KIF3B: variants seen among roughly 807,000 people sequenced by gnomAD.
KIF3B encodes kinesin-like protein KIF3B.
Under a neutral mutation model 74.3 loss-of-function variants are expected in KIF3B, and 38 were observed. The ratio of observed to expected loss-of-function variants is 0.51; its 90% confidence interval spans 0.39 to 0.67. The LOEUF is 0.67. KIF3B is among the 30% of genes least tolerant of loss of function. KIF3B has a pLI of 0.00. For missense variants in KIF3B, 649 were observed against 932.0 expected, an observed-to-expected ratio of 0.70 and a Z score of 3.95; for synonymous variants, 326 against 342.5, an observed-to-expected ratio of 0.95 and a Z score of 0.53.
At chr20:32,281,742 A>G (rs2047644063) in intron 1 of KIF3B, among the ~76,000 whole-genome samples, 1 of 152,144 alleles carries the variant, frequency 6.6e-6, no homozygotes, top group Admixed American at 6.6e-5. Flanking sequence ...CCAACAAACA[A>G]AAAGAAAAAG....
intron 1 of KIF3B, among the ~76,000 whole-genome samples, chr20:32,300,483 G>A (rs1406762693): frequency 6.6e-6 from 1 of 152,060 alleles, no homozygotes; most frequent in Non-Finnish European, 1.5e-5. Flanking sequence ...ATTTCACCGC[G>A]TTAGCCACAA....
intron 5 of KIF3B, among the ~76,000 whole-genome samples, chr20:32,323,884 G>GTA (rs573673589): frequency 9.2e-5 from 14 of 151,822 alleles, no homozygotes; most frequent in South Asian, 8.3e-4. Flanking sequence ...ATCTCAAAAA[G>GTA]TATATATATA....
chr20:32,315,373 G>A (rs1199792248), intron 2 of KIF3B, among the ~76,000 whole-genome samples: 6 of 151,958 alleles, frequency 3.9e-5, no homozygotes, highest in Admixed American at 3.9e-4. Flanking sequence ...TGTGTATCTG[G>A]CCCTGCAGAC....
At chr20:32,309,643 G>A (rs2047789601) in intron 1 of KIF3B, 70 bp from the exon 2 acceptor site, 2 of 900,188 alleles carry the variant, frequency 2.2e-6, no homozygotes, top group South Asian at 1.8e-5. Flanking sequence ...CTATTTAGGT[G>A]TGTCAGCTTC....
intron 1 of KIF3B, among the ~76,000 whole-genome samples, chr20:32,305,874 A>G (rs572053518): frequency 4.0e-5 from 6 of 150,830 alleles, no homozygotes; most frequent in African/African-American, 1.5e-4. Context: ...GAGCCACCAC[A>G]CCTGGCTCCA....
chr20:32,327,736 C>A, intron 7 of KIF3B, 75 bp downstream of exon 7: 1 of 1,036,814 alleles, frequency 9.6e-7, no homozygotes, highest in Non-Finnish European at 1.5e-6. Context: ...AGATACTATT[C>A]CACTCAGAGT....
intron 1 of KIF3B, among the ~76,000 whole-genome samples, chr20:32,283,583 G>A (rs991061823): frequency 2.6e-5 from 4 of 151,762 alleles, no homozygotes; most frequent in Admixed American, 2.6e-4. Context: ...GCTGAGGCAC[G>A]TGGATCACCT....
At chr20:32,294,338 C>T (rs1454786780) in intron 1 of KIF3B, among the ~76,000 whole-genome samples, 4 of 152,084 alleles carry the variant, frequency 2.6e-5, no homozygotes, top group Non-Finnish European at 5.9e-5. Context: ...TTGACTGTGA[C>T]GTTTTTAGGT....
chr20:32,329,918 T>C (rs2047922055), intron 7 of KIF3B, among the ~76,000 whole-genome samples: 1 of 152,226 alleles, frequency 6.6e-6, no homozygotes, highest in Non-Finnish European at 1.5e-5. Flanking sequence ...TTGGGTGCCA[T>C]TCTTCCTGGC....
intron 2 of KIF3B, among the ~76,000 whole-genome samples, chr20:32,313,641 A>G (rs969149730): frequency 6.6e-6 from 1 of 152,140 alleles, no homozygotes; most frequent in Admixed American, 6.5e-5. Flanking sequence ...AGATGCCATT[A>G]TGTCAAAGCA....
chr20:32,322,021 T>G (rs1436953920), intron 5 of KIF3B, among the ~76,000 whole-genome samples: 1 of 152,126 alleles, frequency 6.6e-6, no homozygotes, highest in Non-Finnish European at 1.5e-5. Flanking sequence ...CATTTTAAGG[T>G]CAGCTTGTCA....
intron 7 of KIF3B, among the ~76,000 whole-genome samples, chr20:32,329,382 C>G (rs1469431565): frequency 1.4e-5 from 2 of 147,870 alleles, no homozygotes; most frequent in East Asian, 2.0e-4. Context: ...CAGGATCTCA[C>G]TGTGTCACCC....
chr20:32,288,495 C>CA (rs1456408244), intron 1 of KIF3B, among the ~76,000 whole-genome samples: 1 of 151,988 alleles, frequency 6.6e-6, no homozygotes, highest in Admixed American at 6.6e-5. Context: ...TCCAAACAAA[C>CA]AAAAAATGAA....
intron 1 of KIF3B, among the ~76,000 whole-genome samples, chr20:32,281,190 T>G (rs1305544088): frequency 1.3e-5 from 2 of 152,206 alleles, no homozygotes; most frequent in Non-Finnish European, 2.9e-5. Flanking sequence ...TTTAATCTTA[T>G]CTGTGTCCCT....
rs1027730832 is a variant in KIF3B at position 32,310,272 on chromosome 20, G to A, written c.495G>A (p.Glu165=). The part of the protein sequence containing the change: ...LLSKDQTKRL[E]LKERPDTGVY... ...CAAAGGATCAGACCAAAAGGCTTGA[G>A]CTCAAAGAGAGGCCTGACACAGGAG... is the stretch of plus-strand genomic sequence containing the variant. The change falls in exon 2 of 9, where the codon GAG becomes GAA. Residue 165 remains glutamate, a synonymous_variant. Coordinates refer to ENST00000375712, the MANE Select transcript of KIF3B (RefSeq NM_004798.4). This position sits in a 1 kb window ranked among gnomAD's most constrained non-coding sequence, Gnocchi z 6.5. The A allele has an allele frequency of 1.2e-6, 2 of 1,613,772 alleles. No individual in the cohort carries two copies. The highest frequency in any genetic ancestry group is 1.1e-5 in the South Asian group (1 of 91,094).
intron 1 of KIF3B, among the ~76,000 whole-genome samples, chr20:32,285,761 T>C (rs1042120978): frequency 6.6e-6 from 1 of 152,214 alleles, no homozygotes; most frequent in Non-Finnish European, 1.5e-5. Flanking sequence ...TTGTTCTTTC[T>C]TGGTGACTTC....
Position 32,299,399 on chromosome 20 carries a change from A to ATT in KIF3B, c.-65-10313_-65-10312insTT, listed in dbSNP as rs1424602118. Among the ~76,000 whole-genome samples the ATT allele has an allele frequency of 6.3e-4, 20 of 31,750 alleles. 1 individual carries two copies. Among genetic ancestry groups the ATT allele is most frequent in the African/African-American group, 1.1e-3 (6 of 5,280 alleles). The allele number at this position is 31,750 out of a possible 152,430, so 20.8% of individuals were successfully genotyped here. Reference sequence around the variant, plus strand: ...TGTGTGTATATATATATATATATATATATATTTTTTTTTTTTTTTTTTTTT... The same window carrying ATT: ...TGTGTGTATATATATATATATATATATTTATATTTTTTTTTTTTTTTTTTTTT... On this transcript the variant is annotated intron_variant, in intron 1 of 8. Transcript: ENST00000375712.
At chr20:32,328,548 G>C (rs2047915280) in intron 7 of KIF3B, among the ~76,000 whole-genome samples, 1 of 152,106 alleles carries the variant, frequency 6.6e-6, no homozygotes. Flanking sequence ...AGGAGGCGGA[G>C]GTTGCAGTGA....
intron 1 of KIF3B, among the ~76,000 whole-genome samples, chr20:32,308,580 T>C (rs1426581841): frequency 1.3e-5 from 2 of 151,606 alleles, no homozygotes; most frequent in Non-Finnish European, 2.9e-5. Flanking sequence ...CCAGCCAATT[T>C]TTGTATTTTT....
Sources: gnomAD v4.1 joint callset for allele counts (sites outside exome capture counted in the v4.1 genomes callset) on GRCh38, gnomAD v4.1.1 for gene constraint, Gnocchi (gnomAD v3.1) non-coding constraint, MANE v1.5 for transcripts, NCBI Gene and HGNC (gene_info 2026-07-23, HGNC 2026-07-21) for gene names.